CEP162: variants seen among roughly 807,000 people sequenced by gnomAD.
The protein encoded by CEP162 is centrosomal protein 162, also known as centrosomal protein of 162 kDa.
A neutral mutation model predicts 169.2 loss-of-function variants in CEP162; 141 were observed. The ratio of observed to expected loss-of-function variants is 0.83; its 90% CI spans 0.73 to 0.96. The LOEUF is 0.96. Ranked by LOEUF, CEP162 falls within the 40% of genes least tolerant of loss-of-function variation. The pLI is 0.00. For synonymous variants in CEP162, 540 were observed against 526.4 expected, an observed-to-expected ratio of 1.03 and a Z score of -0.35; for missense variants, 1,600 against 1,587.2, an observed-to-expected ratio of 1.01 and a Z score of -0.14.
intron 11 of CEP162, among the ~76,000 whole-genome samples, chr6:84,188,054 C>T (rs1376968318): frequency 1.3e-5 from 2 of 150,400 alleles, no homozygotes; most frequent in East Asian, 3.9e-4. Context: ...TGACCCAGTC[C>T]CTTAGCAAAG....
intron 5 of CEP162, among the ~76,000 whole-genome samples, chr6:84,214,149 G>A (rs1016963663): frequency 1.3e-5 from 2 of 152,284 alleles, no homozygotes; most frequent in Admixed American, 1.3e-4. Flanking sequence ...CGTGGTGGCA[G>A]GCGCCTGTAG....
chr6:84,162,317 A>G (rs1179447383), intron 19 of CEP162, among the ~76,000 whole-genome samples: 5 of 152,212 alleles, frequency 3.3e-5, no homozygotes, highest in African/African-American at 1.2e-4. Flanking sequence ...ATTACCATTT[A>G]TTATGTTATT....
At chr6:84,200,362 A>G (rs190614431) in intron 9 of CEP162, among the ~76,000 whole-genome samples, 3 of 152,356 alleles carry the variant, frequency 2.0e-5, no homozygotes, top group Admixed American at 6.5e-5. Flanking sequence ...GCTTTAGGAA[A>G]GTCTAGTTGG....
At chr6:84,183,247 T>C (rs1192053561) in intron 13 of CEP162, among the ~76,000 whole-genome samples, 2 of 152,102 alleles carry the variant, frequency 1.3e-5, no homozygotes, top group Admixed American at 6.6e-5. Context: ...ATAAAAATAT[T>C]AGTCTTCATC....
intron 24 of CEP162, among the ~76,000 whole-genome samples, 152 bp from the exon 25 acceptor site, chr6:84,146,937 T>C (rs2099519147): frequency 6.6e-6 from 1 of 152,044 alleles, no homozygotes; most frequent in Non-Finnish European, 1.5e-5. Flanking sequence ...ATTATAGAGA[T>C]TTCTCAAAAA....
intron 23 of CEP162, among the ~76,000 whole-genome samples, chr6:84,151,951 G>A (rs2099521287): frequency 6.6e-6 from 1 of 152,030 alleles, no homozygotes; most frequent in South Asian, 2.1e-4. Flanking sequence ...GTGAAAAACG[G>A]GTGCTAAAAG....
chr6:84,198,859 G>A (rs998892693), intron 9 of CEP162, among the ~76,000 whole-genome samples: 1 of 152,040 alleles, frequency 6.6e-6, no homozygotes, highest in Non-Finnish European at 1.5e-5. Flanking sequence ...TCACAAAGCT[G>A]GTTAAGTGGC....
chr6:84,130,152 A>G (rs1267261410), intron 25 of CEP162, among the ~76,000 whole-genome samples: 3 of 152,178 alleles, frequency 2.0e-5, no homozygotes, highest in South Asian at 4.2e-4. Flanking sequence ...TATGTGATGG[A>G]TTATGTTTAT....
At chr6:84,181,084 T>C (rs569764585) in intron 13 of CEP162, among the ~76,000 whole-genome samples, 71 of 152,246 alleles carry the variant, frequency 4.7e-4, no homozygotes, top group Non-Finnish European at 7.9e-4. Context: ...GGAGGCATCA[T>C]GCTACCTGAC....
At chr6:84,190,947 CT>C (rs1312958329) in intron 11 of CEP162, among the ~76,000 whole-genome samples, 4 of 152,192 alleles carry the variant, frequency 2.6e-5, no homozygotes, top group Admixed American at 2.0e-4. Context: ...TCCCAAAGTG[CT>C]GGGATTACAG....
intron 6 of CEP162, among the ~76,000 whole-genome samples, chr6:84,207,631 G>A (rs949594735): frequency 6.6e-6 from 1 of 151,886 alleles, no homozygotes; most frequent in African/African-American, 2.4e-5. Flanking sequence ...ACGAGTTAAC[G>A]GGTGCAGCAC....
At chr6:84,226,580 G>C in intron 1 of CEP162, 128 bp from the exon 2 acceptor site, 1 of 561,114 alleles carries the variant, frequency 1.8e-6, no homozygotes, top group Non-Finnish European at 3.2e-6. Context: ...AGTAAGAGCT[G>C]GTCAAGAGAT....
At chr6:84,177,057 A>C (rs1017809180) in intron 13 of CEP162, among the ~76,000 whole-genome samples, 2 of 152,170 alleles carry the variant, frequency 1.3e-5, no homozygotes, top group Non-Finnish European at 2.9e-5. Context: ...TTCATACTAC[A>C]TCTTAGAAGT....
At chr6:84,200,629 A>G (rs559750668) in intron 9 of CEP162, among the ~76,000 whole-genome samples, 160 bp downstream of exon 9, 1 of 152,346 alleles carries the variant, frequency 6.6e-6, no homozygotes, top group East Asian at 1.9e-4. Context: ...ACCATCAGCA[A>G]GTTCCAATTA....
Position 84,205,658 on chromosome 6 carries a change from A to C in CEP162, c.572-1562T>G, listed in dbSNP as rs561291575. On this transcript the variant is annotated intron_variant, in intron 6 of 26. Transcript: ENST00000403245. ...GGAAGCATTCCCTTTGAAAACTGGCACAAGACAGGGATGCCCTCTCTCACC... is the reference window on the plus strand; with the variant it reads ...GGAAGCATTCCCTTTGAAAACTGGCCCAAGACAGGGATGCCCTCTCTCACC... Among the ~76,000 whole-genome samples, 1,367 of 152,266 alleles carry C rather than the reference A, an allele frequency of 9.0e-3. 21 individuals are homozygous for C. The highest frequency in any genetic ancestry group is 0.031 in the African/African-American group (1,301 of 41,512).
Position 84,174,860 on chromosome 6 carries a change from G to A in CEP162, c.1892C>T (p.Ala631Val). ...EAEDKWRGAQ[A>V]LIEQIKATFS... Reference sequence around the variant, plus strand: ...TGTGGCTTTAATTTGCTCAATTAGGGCTTGCGCACCCCTCCATTTATCCTC... The same window carrying A: ...TGTGGCTTTAATTTGCTCAATTAGGACTTGCGCACCCCTCCATTTATCCTC... The change falls in exon 15 of 27, where the codon GCC (alanine) becomes GTC (valine). Residue 631 changes from alanine to valine, a missense_variant. By Grantham distance (64) the Ala-to-Val change is moderately conservative. Transcript: ENST00000403245. The A allele has an allele frequency of 6.5e-7, 1 of 1,546,854 alleles. No homozygotes were observed. The highest frequency in any genetic ancestry group is 8.8e-7 in the Non-Finnish European group (1 of 1,137,680).
Position 84,152,974 on chromosome 6 carries a change from T to A in CEP162, c.3200A>T (p.Asp1067Val), listed in dbSNP as rs753747368. The stretch of plus-strand genomic sequence containing the variant: ...TTCTATAGACTGAAAATCTTCATCA[T>A]CTTTATCATTTTTCTTGACGTCTAA... ...AELDVKKNDK[D>V]DEDFQSIEFQ... Residue 1067 changes from aspartate (D) to valine (V), a missense_variant, in exon 23 of 27, where the codon GAT becomes GTT. Asp to Val is a radical substitution (Grantham distance 152). Transcript: ENST00000403245. 4.3e-6 allele frequency: 7 copies of A among 1,613,634 alleles called. No individual in the cohort carries two copies. Among genetic ancestry groups the A allele is most frequent in the Non-Finnish European group, 5.9e-6 (7 of 1,179,754 alleles).
chr6:84,195,018 T>C lies in CEP162; in HGVS notation c.893A>G (p.His298Arg), dbSNP rs1178832228. Residue 298 changes from histidine (H) to arginine (R), a missense_variant, in exon 10 of 27, where the codon CAT becomes CGT. By Grantham distance (29) the His-to-Arg change is conservative. Coordinates refer to ENST00000403245, the MANE Select transcript of CEP162 (RefSeq NM_014895.4). ...TTCATCTCCCAATGAATGGGCTATATGACAATAAGCTTGATGTAGGGCTTC... is the reference window on the plus strand; with the variant it reads ...TTCATCTCCCAATGAATGGGCTATACGACAATAAGCTTGATGTAGGGCTTC... Reference protein sequence around the residue: ...DVEALHQAYCHIAHSLGDEDK... With the variant: ...DVEALHQAYCRIAHSLGDEDK... The C allele has an allele frequency of 3.7e-6, 6 of 1,611,696 alleles. 1 individual carries two copies. The Admixed American group carries it at 5.0e-5, about 13-fold the overall frequency.
chr6:84,139,741 A>C (rs1378877779), intron 25 of CEP162, among the ~76,000 whole-genome samples: 1 of 152,168 alleles, frequency 6.6e-6, no homozygotes, highest in Non-Finnish European at 1.5e-5. Context: ...AGGAGAAAAA[A>C]ATTTGTAAAA....
Sources: gnomAD v4.1 joint callset for allele counts (sites outside exome capture counted in the v4.1 genomes callset) on GRCh38, gnomAD v4.1.1 for gene constraint, MANE v1.5 for transcripts, NCBI Gene and HGNC (gene_info 2026-07-23, HGNC 2026-07-21) for gene names.